The following AMPH variants were observed in gnomAD, a reference collection of about 807,000 sequenced individuals.
AMPH encodes amphiphysin.
AMPH carries 49 observed loss-of-function variants against 99.1 expected under a neutral mutation model. The observed-to-expected ratio is 0.49, with a 90% confidence interval of 0.39 to 0.63. The LOEUF is 0.63. Ranked by LOEUF, AMPH falls within the 20% of genes least tolerant of loss-of-function variation. AMPH has a pLI of 0.00. For missense variants in AMPH, 759 were observed against 863.4 expected (o/e 0.88, Z 1.52); for synonymous variants, 314 against 317.3 (o/e 0.99, Z 0.11).
chr7:38,389,551 C>G (rs986646552), intron 20 of AMPH, among the ~76,000 whole-genome samples: 1 of 152,134 alleles, frequency 6.6e-6, no homozygotes, highest in Non-Finnish European at 1.5e-5. Flanking sequence ...ACAGAGATAA[C>G]ATTCCCAGAA....
intron 2 of AMPH, among the ~76,000 whole-genome samples, chr7:38,514,839 T>C (rs866440164): frequency 1.3e-5 from 2 of 152,224 alleles, no homozygotes; most frequent in African/African-American, 4.8e-5. Context: ...AGACGGAAAA[T>C]TTATACCAGA....
At position 38,436,151 on chromosome 7, in the gene AMPH, T is replaced by C. The variant is rs528820156; in HGVS notation, c.1134+121A>G. The C allele has an allele frequency of 1.0e-4, 72 of 723,110 alleles. 1 individual carries two copies. The South Asian group carries it at 1.2e-3, about 12-fold the overall frequency. The allele number at this position is 723,110 out of a possible 1,614,324, so 44.8% of individuals were successfully genotyped here. A position where few individuals can be genotyped will look rare whatever the true frequency, so the allele number is the denominator to read the frequency against. On this transcript the variant is annotated intron_variant, in intron 12 of 20. Coordinates refer to ENST00000356264, the MANE Select transcript of AMPH (RefSeq NM_001635.4). The stretch of plus-strand genomic sequence containing the variant: ...TCTACCCCTCTTTCCTATTAGGAAA[T>C]ATCTGTCAACCAAAAATAAAAATAG...
chr7:38,450,230 GA>G (rs1786955393), intron 11 of AMPH, among the ~76,000 whole-genome samples: 2 of 152,180 alleles, frequency 1.3e-5, no homozygotes, highest in African/African-American at 2.4e-5. Context: ...TTTGATCAGA[GA>G]AAATATGCAA....
chr7:38,521,152 T>G (rs189360944), intron 2 of AMPH, among the ~76,000 whole-genome samples: 2 of 115,282 alleles, frequency 1.7e-5, no homozygotes, highest in Admixed American at 1.8e-4. Context: ...CTCCAAGTCA[T>G]GTAAATATAT....
At chr7:38,499,180 G>C (rs758251842) in intron 3 of AMPH, among the ~76,000 whole-genome samples, 1 of 152,184 alleles carries the variant, frequency 6.6e-6, no homozygotes, top group South Asian at 2.1e-4. Flanking sequence ...TGCCTATCTG[G>C]CCTTTTTATT....
chr7:38,526,108 G>T (rs898768295), intron 2 of AMPH, among the ~76,000 whole-genome samples: 51 of 152,204 alleles, frequency 3.4e-4, no homozygotes, highest in African/African-American at 1.1e-3. Flanking sequence ...ATTTAGCATT[G>T]TCACTAGTTT....
chr7:38,453,633 A>C (rs189735977), intron 11 of AMPH, among the ~76,000 whole-genome samples: 1 of 152,292 alleles, frequency 6.6e-6, no homozygotes, highest in Admixed American at 6.5e-5. Flanking sequence ...CAAAGAAAAA[A>C]CATTTAAAAA....
intron 5 of AMPH, among the ~76,000 whole-genome samples, chr7:38,488,951 T>A (rs1313319583): frequency 6.7e-6 from 1 of 148,960 alleles, no homozygotes; most frequent in Non-Finnish European, 1.5e-5. Flanking sequence ...ATGCAATCCC[T>A]ATCAAAATCT....
At chr7:38,461,471 A>G in intron 10 of AMPH, 60 bp from the exon 11 acceptor site, 1 of 1,605,288 alleles carries the variant, frequency 6.2e-7, no homozygotes, top group Non-Finnish European at 8.5e-7. Flanking sequence ...GACACGAAGA[A>G]AGGTCACATG....
At chr7:38,543,208 G>A (rs1045935581) in intron 1 of AMPH, among the ~76,000 whole-genome samples, 1 of 152,122 alleles carries the variant, frequency 6.6e-6, no homozygotes, top group African/African-American at 2.4e-5. Flanking sequence ...AGTGAGCTAT[G>A]ATTGCATCGC....
intron 5 of AMPH, among the ~76,000 whole-genome samples, chr7:38,478,059 A>AAAAC (rs146496756): frequency 8.9e-4 from 133 of 149,922 alleles, no homozygotes; most frequent in Admixed American, 1.6e-3. Context: ...GAAAGGATTT[A>AAAAC]AAACAAACAA....
intron 2 of AMPH, among the ~76,000 whole-genome samples, chr7:38,506,155 G>A (rs1432514689): frequency 6.6e-6 from 1 of 152,178 alleles, no homozygotes; most frequent in Admixed American, 6.5e-5. Context: ...TTTCATGAGT[G>A]AGAAACTAAC....
At chr7:38,503,590 C>G (rs1052054421) in intron 3 of AMPH, 60 bp downstream of exon 3, 1 of 1,548,262 alleles carries the variant, frequency 6.5e-7, no homozygotes, top group Non-Finnish European at 8.9e-7. Context: ...TCCTGTCACT[C>G]ATGAATTCCA....
chr7:38,584,341 A>G (rs1020328995), intron 1 of AMPH, among the ~76,000 whole-genome samples: 3 of 152,174 alleles, frequency 2.0e-5, no homozygotes, highest in African/African-American at 7.2e-5. Flanking sequence ...GAGCCCTGGT[A>G]GTAGGAAGTT....
intron 15 of AMPH, among the ~76,000 whole-genome samples, chr7:38,425,865 CTTATAAAAGTTG>C (rs930197741): frequency 1.3e-4 from 20 of 152,092 alleles, no homozygotes; most frequent in Non-Finnish European, 1.5e-5. Flanking sequence ...AATAAAAGCC[CTTATAAAAGTTG>C]TTACTTTTAA....
At chr7:38,600,296 A>G (rs1174436856) in intron 1 of AMPH, among the ~76,000 whole-genome samples, 1 of 152,126 alleles carries the variant, frequency 6.6e-6, no homozygotes, top group Non-Finnish European at 1.5e-5. Context: ...TTATCATGTC[A>G]CATTCCTGTT....
chr7:38,570,275 T>G (rs1161274133), intron 1 of AMPH, among the ~76,000 whole-genome samples: 2 of 152,178 alleles, frequency 1.3e-5, no homozygotes, highest in Non-Finnish European at 2.9e-5. Context: ...TTCTCATTGG[T>G]TTTTATTTTG....
chr7:38,443,790 G>A (rs982515151), intron 11 of AMPH, among the ~76,000 whole-genome samples: 4 of 151,596 alleles, frequency 2.6e-5, no homozygotes, highest in African/African-American at 9.7e-5. Context: ...ATCAAGACAA[G>A]GGTGACTGCT....
intron 1 of AMPH, among the ~76,000 whole-genome samples, chr7:38,620,828 G>A (rs890584288): frequency 4.6e-5 from 7 of 152,124 alleles, no homozygotes; most frequent in African/African-American, 1.7e-4. Context: ...AGTTCAGAGG[G>A]CAAGTCAGCT....
Sources: allele counts gnomAD v4.1 joint callset (sites outside exome capture counted in the v4.1 genomes callset), GRCh38; gene constraint gnomAD v4.1.1; transcripts MANE v1.5; gene names NCBI Gene and HGNC (gene_info 2026-07-23, HGNC 2026-07-21).